Variants in MRPS5 observed in about 807,000 individuals in gnomAD.
MRPS5 encodes the protein small ribosomal subunit protein uS5m.
Under a neutral mutation model 51.9 loss-of-function variants are expected in MRPS5, and 27 were observed. That is an observed-to-expected ratio of 0.52 (90% CI 0.38 to 0.72). The LOEUF (loss-of-function observed/expected upper bound fraction) is 0.72. Ranked by LOEUF, MRPS5 falls within the 30% of genes least tolerant of loss-of-function variation. The pLI is 0.00. For missense variants in MRPS5, 570 were observed against 545.7 expected (o/e 1.04, Z -0.44); for synonymous variants, 196 against 193.2 (o/e 1.01, Z -0.12).
chr2:95,100,716 A>T, intron 9 of MRPS5, 121 bp downstream of exon 9: 1 of 905,918 alleles, frequency 1.1e-6, no homozygotes, highest in Non-Finnish European at 1.7e-6. Context: ...TTCACACTTC[A>T]TATATTTGTA....
chr2:95,108,543 A>G, intron 4 of MRPS5, 135 bp from the exon 5 acceptor site: 2 of 738,860 alleles, frequency 2.7e-6, no homozygotes, highest in Non-Finnish European at 4.3e-6. Context: ...TTAACTTGGT[A>G]GGTCACTTGG....
intron 6 of MRPS5, among the ~76,000 whole-genome samples, chr2:95,105,360 C>A (rs1675918824): frequency 1.3e-5 from 2 of 152,138 alleles, no homozygotes; most frequent in Admixed American, 1.3e-4. Context: ...ATCATCCTGG[C>A]TAACACAGTG....
At chr2:95,094,960 A>G (rs973186510) in intron 10 of MRPS5, among the ~76,000 whole-genome samples, 1 of 152,228 alleles carries the variant, frequency 6.6e-6, no homozygotes, top group Non-Finnish European at 1.5e-5. Flanking sequence ...GTCAAGACCC[A>G]GTGTGCTGTA....
Position 95,090,264 on chromosome 2 carries a change from T to C in MRPS5, c.1068+122A>G, listed in dbSNP as rs1001091434. 5.9e-6 allele frequency: 5 copies of C among 843,944 alleles called. No individual in the cohort carries two copies. In the African/African-American group the frequency reaches 8.7e-5, roughly 15 times the overall value. 52.3% of individuals were successfully genotyped at this position (843,944 alleles called of 1,614,324 possible). On this transcript the variant is annotated intron_variant, in intron 11 of 11. Transcript: ENST00000272418. Reference sequence around the variant, plus strand: ...TGATGCAGTCACAGACAACAAAGAATGCCCAACTCCTCAGGTGGCCCCAGG... The same window carrying C: ...TGATGCAGTCACAGACAACAAAGAACGCCCAACTCCTCAGGTGGCCCCAGG...
At chr2:95,121,411 G>A (rs1482421542) in intron 1 of MRPS5, among the ~76,000 whole-genome samples, 1 of 152,202 alleles carries the variant, frequency 6.6e-6, no homozygotes, top group Non-Finnish European at 1.5e-5. Context: ...AATGAACCCG[G>A]GGGTCGCACG....
chr2:95,115,541 C>T (rs1472046099), intron 2 of MRPS5, among the ~76,000 whole-genome samples: 1 of 152,172 alleles, frequency 6.6e-6, no homozygotes, highest in Non-Finnish European at 1.5e-5. Context: ...AAACAGCCAG[C>T]AACGTATTGC....
Position 95,104,720 on chromosome 2 carries a change from A to G in MRPS5, c.683T>C (p.Val228Ala), listed in dbSNP as rs1375969791. ...TCCCTCTTTCGCAGTCATAGTGAAA[A>G]CGTTTCTTACCTAAAAGGCAAAATG... Reference protein sequence around the residue: ...FDTRILEVRNVFTMTAKEGRK... With the variant: ...FDTRILEVRNAFTMTAKEGRK... The change falls in exon 7 of 12, where the codon GTT becomes GCT. Residue 228 changes from valine (V) to alanine (A), a missense_variant. Coordinates refer to ENST00000272418, the MANE Select transcript of MRPS5 (RefSeq NM_031902.5). 1.2e-6 allele frequency: 2 copies of G among 1,613,966 alleles called. No homozygotes were observed. The highest frequency in any genetic ancestry group is 1.7e-6 in the Non-Finnish European group (2 of 1,179,930).
chr2:95,089,356 A>C (rs149059035), intron 11 of MRPS5, among the ~76,000 whole-genome samples: 10 of 152,324 alleles, frequency 6.6e-5, no homozygotes, highest in Non-Finnish European at 1.5e-4. Flanking sequence ...AAATGTCAGG[A>C]AGCCTGCCAA....
At chr2:95,110,141 C>T in intron 3 of MRPS5, 100 bp from the exon 4 acceptor site, 1 of 1,447,294 alleles carries the variant, frequency 6.9e-7, no homozygotes, top group Middle Eastern at 1.8e-4. Context: ...CAGCTTACAG[C>T]TTTACCCATG....
In MRPS5 at chr2:95,101,671, A is replaced by G. The variant is rs369436048; in HGVS notation, c.810+6T>C. On this transcript the variant is annotated splice_donor_region_variant and intron_variant, in intron 8 of 11. Coordinates refer to ENST00000272418, the MANE Select transcript of MRPS5 (RefSeq NM_031902.5). ...GAGTGTCAACAAAGAAAAAAAATGT[A>G]CATACTTTCCTGAAAGCATCCATCC... 5.6e-6 allele frequency: 9 copies of G among 1,594,114 alleles called. No individual in the cohort carries two copies. Among genetic ancestry groups the G allele is most frequent in the Non-Finnish European group, 7.7e-6 (9 of 1,174,380 alleles).
intron 6 of MRPS5, 58 bp from the exon 7 acceptor site, chr2:95,104,788 T>G: frequency 2.0e-6 from 3 of 1,525,880 alleles, no homozygotes; most frequent in Non-Finnish European, 1.8e-6. Flanking sequence ...AGGAGGGAAC[T>G]GGAGGGAGCC....
At chr2:95,112,487 A>C (rs1180696542) in intron 3 of MRPS5, among the ~76,000 whole-genome samples, 1 of 152,230 alleles carries the variant, frequency 6.6e-6, no homozygotes, top group East Asian at 1.9e-4. Flanking sequence ...ATTTGAATCA[A>C]AGGGATTTAA....
At chr2:95,089,238 A>T (rs750549863) in intron 11 of MRPS5, among the ~76,000 whole-genome samples, 3 of 152,204 alleles carry the variant, frequency 2.0e-5, no homozygotes, top group Non-Finnish European at 4.4e-5. Context: ...AGAAAACAGA[A>T]GGCTTTTACC....
chr2:95,121,032 C>A (rs1276113117), intron 1 of MRPS5, among the ~76,000 whole-genome samples: 3 of 152,052 alleles, frequency 2.0e-5, no homozygotes, highest in South Asian at 2.1e-4. Flanking sequence ...GCAGGAGAAT[C>A]GCTTGAACCC....
rs543514301 is a variant in MRPS5 at position 95,090,446 on chromosome 2, G to A, written c.1008C>T (p.Val336=). 217 of 1,614,138 alleles carry A rather than the reference G, an allele frequency of 1.3e-4. 3 individuals carry two copies. The South Asian group carries it at 2.3e-3, about 17-fold the overall frequency. ...GGCTGAGCATATTAATGGACCCAGAGACCTTGGCATACATGTCTTTGATGC... is the reference window on the plus strand; with the variant it reads ...GGCTGAGCATATTAATGGACCCAGAAACCTTGGCATACATGTCTTTGATGC... The part of the protein sequence containing the change: ...LIGIKDMYAK[V]SGSINMLSLT... The change falls in exon 11 of 12, where the codon GTC becomes GTT. Residue 336 remains valine, a synonymous_variant. Coordinates refer to ENST00000272418, the MANE Select transcript of MRPS5 (RefSeq NM_031902.5).
At position 95,098,905 on chromosome 2, in the gene MRPS5, A is replaced by AATT. The variant is rs201314204; in HGVS notation, c.931+1566_931+1568dup. 4.4e-4 allele frequency among the ~76,000 whole-genome samples: 62 copies of AATT among 139,902 alleles called. 5 individuals carry two copies. The highest frequency in any genetic ancestry group is 9.1e-4 in the South Asian group (4 of 4,384). 91.8% of individuals were successfully genotyped at this position (139,902 alleles called of 152,430 possible). ...ATGGGGACCTTGCCAGAGAAATAAA[A>AATT]ATTATTATTATTATTATTTTTTTTT... On this transcript the variant is annotated intron_variant, in intron 10 of 11. Transcript: ENST00000272418.
chr2:95,118,558 G>A (rs1192085758), intron 1 of MRPS5, among the ~76,000 whole-genome samples: 1 of 152,184 alleles, frequency 6.6e-6, no homozygotes, highest in East Asian at 1.9e-4. Context: ...TTCTCTGTTT[G>A]TCTGAAACAT....
intron 5 of MRPS5, 162 bp from the exon 6 acceptor site, chr2:95,106,619 G>C: frequency 1.5e-6 from 1 of 647,522 alleles, no homozygotes; most frequent in Non-Finnish European, 2.8e-6. Flanking sequence ...CTCATCACTA[G>C]AGACTGCTCC....
Position 95,117,913 on chromosome 2 carries a change from T to C in MRPS5, c.91A>G (p.Thr31Ala). Residue 31 changes from threonine to alanine, a missense_variant, in exon 2 of 12, where the codon ACC becomes GCC. Thr to Ala is a moderately conservative substitution (Grantham distance 58). Coordinates refer to ENST00000272418, the MANE Select transcript of MRPS5 (RefSeq NM_031902.5). Reference protein sequence around the residue: ...HLLGRQCSLNTLPAASILAWK... With the variant: ...HLLGRQCSLNALPAASILAWK... ...GCCAAAATGGAAGCTGCTGGTAAGG[T>C]GTTTAGGGAACACTGCCTCCCCAAT... The C allele has an allele frequency of 6.2e-7, 1 of 1,607,736 alleles. No individual in the cohort carries two copies. The highest frequency in any genetic ancestry group is 2.2e-5 in the East Asian group (1 of 44,776).
Sources: allele counts gnomAD v4.1 joint callset (sites outside exome capture counted in the v4.1 genomes callset), GRCh38; gene constraint gnomAD v4.1.1; transcripts MANE v1.5; gene names NCBI Gene and HGNC (gene_info 2026-07-23, HGNC 2026-07-21).